The following CAPN12 variants were observed in gnomAD, a reference collection of about 807,000 sequenced individuals.
The protein encoded by CAPN12 is calpain-12.
A neutral mutation model predicts 95.0 loss-of-function variants in CAPN12; 107 were observed. That is an observed-to-expected ratio of 1.13 (90% CI 0.96 to 1.32). CAPN12 has a LOEUF of 1.32. Among genes scored for constraint, CAPN12 ranks in the 40% most tolerant of loss-of-function variants. The pLI is 0.00. For missense variants in CAPN12, 1,136 were observed against 997.8 expected (o/e 1.14, Z -1.87); for synonymous variants, 505 against 415.5 (o/e 1.22, Z -2.62).
Position 38,737,626 on chromosome 19 carries a change from C to A in CAPN12, c.978G>T (p.Arg326=), listed in dbSNP as rs1188716137. 3.7e-6 allele frequency: 6 copies of A among 1,603,364 alleles called. No individual in the cohort carries two copies. In the East Asian group the frequency reaches 1.1e-4, roughly 30 times the overall value. Residue 326 remains arginine, a synonymous_variant, in exon 9 of 21, where the codon CGG becomes CGT. Coordinates refer to ENST00000328867, the MANE Select transcript of CAPN12 (RefSeq NM_144691.4). ...KEDGEFWMEL[R]DFLLHFDTVQ... The stretch of plus-strand genomic sequence containing the variant: ...CGGTGTCGAAATGGAGGAGGAAGTC[C>A]CGCAGCTCCATCCTGCACGGTGGCC...
At position 38,735,564 on chromosome 19, in the gene CAPN12, A is replaced by C; in HGVS notation, c.1584-20T>G. On this transcript the variant is annotated intron_variant, in intron 12 of 20. Transcript: ENST00000328867. ...ATCTCCCTGCAAATTACAGATGGGA[A>C]GTGGGGAGGGGGCTGTTTGCCCCAG... 1 of 1,604,868 alleles carries C rather than the reference A, an allele frequency of 6.2e-7. No individual in the cohort carries two copies. Among genetic ancestry groups the C allele is most frequent in the South Asian group, 1.1e-5 (1 of 90,428 alleles).
In CAPN12 at chr19:38,737,542, C is replaced by T. The variant is rs1568787199; in HGVS notation, c.1062G>A (p.Trp354Ter). 2 of 1,612,398 alleles carry T rather than the reference C, an allele frequency of 1.2e-6. No homozygotes were observed. Among genetic ancestry groups the T allele is most frequent in the African/African-American group, 2.7e-5 (2 of 74,924 alleles). ...VLGPSPEGGG[W>*]HVHTFQGRWV... The stretch of plus-strand genomic sequence containing the variant: ...AGCGGCCTTGGAAGGTGTGGACGTG[C>T]CAGCCGCCCCCCTCCGGGCTGGGGC... The change falls in exon 9 of 21, where the codon TGG becomes TGA. Residue 354 changes from tryptophan to a stop codon, truncating the protein, a stop_gained. Transcript: ENST00000328867. LOFTEE classifies it high-confidence loss of function.
chr19:38,737,423 G>T, intron 9 of CAPN12, 35 bp from the exon 10 acceptor site: 1 of 1,609,130 alleles, frequency 6.2e-7, no homozygotes, highest in Non-Finnish European at 8.5e-7. Context: ...TTTCCTAGCC[G>T]GCCACAGCGC....
intron 18 of CAPN12, among the ~76,000 whole-genome samples, chr19:38,731,889 G>A (rs1340922087): frequency 2.0e-5 from 3 of 152,242 alleles, no homozygotes; most frequent in East Asian, 3.8e-4. Flanking sequence ...AGTGCCAGGT[G>A]CTGTTTTAAC....
chr19:38,738,371 G>A, intron 7 of CAPN12, 24 bp from the exon 8 acceptor site: 1 of 1,611,598 alleles, frequency 6.2e-7, no homozygotes, highest in Non-Finnish European at 8.5e-7. Context: ...GGTGTGAGGG[G>A]CGGGCAGGTG....
chr19:38,734,391 T>C lies in CAPN12; in HGVS notation c.1745-2A>G. 6.3e-7 allele frequency: 1 copy of C among 1,584,050 alleles called. No individual in the cohort carries two copies. The highest frequency in any genetic ancestry group is 8.6e-7 in the Non-Finnish European group (1 of 1,166,004). On this transcript the variant is annotated splice_acceptor_variant, in intron 15 of 20. Transcript: ENST00000328867. LOFTEE classifies it high-confidence loss of function. ...TGGGGGTGGAGGTATGGGCCCTGGC[T>C]ACAGGAAAAACAAAGTCAAACCACA...
At position 38,735,594 on chromosome 19, in the gene CAPN12, G is replaced by A. The variant is rs1447114677; in HGVS notation, c.1584-50C>T. ...GGAGGGGGCTGTTTGCCCCAGCTGG[G>A]GCTGTGTGGGACGGGGTCTCAGGTG... On this transcript the variant is annotated intron_variant, in intron 12 of 20. Coordinates refer to ENST00000328867, the MANE Select transcript of CAPN12 (RefSeq NM_144691.4). 2.5e-6 allele frequency: 4 copies of A among 1,589,370 alleles called. No homozygotes were observed. The South Asian group carries it at 4.5e-5, about 18-fold the overall frequency.
rs773312744 is a variant in CAPN12 at position 38,744,082 on chromosome 19, C to A, written c.84G>T (p.Arg28=). The part of the protein sequence containing the change: ...GVGAGRLQLF[R]GQSYEAIRAA... ...CCCGAATTGCCTCATAGCTCTGGCC[C>A]CGAAAAAGCTGCAGGCGCCCGGCTC... Residue 28 remains arginine (R), a synonymous_variant, in exon 1 of 21, where the codon CGG becomes CGT. Coordinates refer to ENST00000328867, the MANE Select transcript of CAPN12 (RefSeq NM_144691.4). 75 of 1,614,096 alleles carry A rather than the reference C, an allele frequency of 4.6e-5. No individual in the cohort carries two copies. The highest frequency in any genetic ancestry group is 5.6e-5 in the Non-Finnish European group (66 of 1,180,052).
Position 38,730,763 on chromosome 19 carries a change from G to T in CAPN12, c.*89C>A. ...TAGCCCCAGACAGGTGGATGCCAGA[G>T]AGAGTGGCACCCATGCCAGGCAAGG... is the stretch of plus-strand genomic sequence containing the variant. On this transcript the variant is annotated 3_prime_UTR_variant, in exon 21 of 21. Coordinates refer to ENST00000328867, the MANE Select transcript of CAPN12 (RefSeq NM_144691.4). 6.8e-7 allele frequency: 1 copy of T among 1,473,642 alleles called. No homozygotes were observed. Among genetic ancestry groups the T allele is most frequent in the East Asian group, 2.5e-5 (1 of 40,590 alleles). The allele number at this position is 1,473,642 out of a possible 1,614,324, so 91.3% of individuals were successfully genotyped here.
In CAPN12 at chr19:38,730,999, C is replaced by T. The variant is rs933385818; in HGVS notation, c.2099G>A (p.Gly700Glu). 1.9e-6 allele frequency: 3 copies of T among 1,551,994 alleles called. No homozygotes were observed. Among genetic ancestry groups the T allele is most frequent in the Non-Finnish European group, 1.7e-6 (2 of 1,147,814 alleles). The change falls in exon 20 of 21, where the codon GGG (glycine) becomes GAG (glutamate). Residue 700 changes from glycine (G) to glutamate (E), a missense_variant. Physicochemically the swap from Gly to Glu is moderately conservative, Grantham distance 98 (BLOSUM62 -2). Transcript: ENST00000328867. ...IFCHCSQHLD[G>E]GEGVICLTHR... The stretch of plus-strand genomic sequence containing the variant: ...GGTCAGGCAGATGACCCCCTCACCC[C>T]CATCCAGGTGCTGGCTGCAGTGGCC...
chr19:38,732,071 C>T (rs986456101), intron 18 of CAPN12, among the ~76,000 whole-genome samples: 2 of 152,274 alleles, frequency 1.3e-5, no homozygotes, highest in African/African-American at 4.8e-5. Context: ...AGCCCCTCAG[C>T]TGCCACTGCA....
At chr19:38,733,996 G>T in intron 17 of CAPN12, 146 bp downstream of exon 17, 1 of 896,142 alleles carries the variant, frequency 1.1e-6, no homozygotes, top group Non-Finnish European at 1.7e-6. Context: ...CTGGGTGGGG[G>T]CAGGGATATC....
chr19:38,737,276 G>A lies in CAPN12; in HGVS notation c.1242C>T (p.Gly414=), dbSNP rs538336543. ...TGGGCGTGCGGCCCCCCCGCGCTGG[G>A]CCCCGTGCCCCTGCAGCCCCCCAGC... ...WGGWGAAGAR[G]PARGGRTPKC... The change falls in exon 10 of 21, where the codon GGC becomes GGT. Residue 414 remains glycine (G), a synonymous_variant. Coordinates refer to ENST00000328867, the MANE Select transcript of CAPN12 (RefSeq NM_144691.4). 41 of 1,538,608 alleles carry A rather than the reference G, an allele frequency of 2.7e-5. No individual in the cohort carries two copies. The Admixed American group carries it at 4.8e-4, about 18-fold the overall frequency.
rs1385342657 is a variant in CAPN12, at chr19:38,738,724, GCCA to G, written c.730-79_730-77del. ...TGCTCCTCCCTGCCCCCAACCTCCT[GCCA>G]CCAAGGCAGGAGCCAACCAGAGCAC... On this transcript the variant is annotated intron_variant, in intron 5 of 20. Transcript: ENST00000328867. 46 of 1,391,482 alleles carry G rather than the reference GCCA, an allele frequency of 3.3e-5. No homozygotes were observed. In the East Asian group the frequency reaches 1.0e-3, roughly 31 times the overall value. 86.2% of individuals were successfully genotyped at this position (1,391,482 alleles called of 1,614,324 possible). A position where few individuals can be genotyped will look rare whatever the true frequency, so the allele number is the denominator to read the frequency against.
intron 10 of CAPN12, chr19:38,736,813 C>G (rs1324215370): frequency 1.7e-6 from 1 of 577,624 alleles, no homozygotes; most frequent in African/African-American, 1.9e-5. Flanking sequence ...AACCCCCAGC[C>G]TCTCTCTGTC....
chr19:38,734,614 G>T (rs993541745), intron 15 of CAPN12, 199 bp downstream of exon 15: 3 of 650,062 alleles, frequency 4.6e-6, no homozygotes, highest in African/African-American at 3.7e-5. Context: ...CAGCGGAAGG[G>T]GAGCTTGCGA....
Position 38,730,853 on chromosome 19 carries a change from T to C in CAPN12, c.2159A>G (p.Ter720TrpextTer77), listed in dbSNP as rs1969528880. 5 of 1,551,174 alleles carry C rather than the reference T, an allele frequency of 3.2e-6. No individual in the cohort carries two copies. The South Asian group carries it at 5.9e-5, about 18-fold the overall frequency. The change falls in exon 21 of 21, where the codon TAG (stop) becomes TGG (tryptophan). Residue 720 changes from the stop codon to tryptophan (W), a stop_lost. Transcript: ENST00000328867. ...RQWMEVATFS[*>W] is the part of the protein sequence containing the mutation. Reference sequence around the variant, plus strand: ...AGCAGGTGCGCCCATCCGGAGATCCTAGGAGAAGGTGGCCACCTCCATCCA... The same window carrying C: ...AGCAGGTGCGCCCATCCGGAGATCCCAGGAGAAGGTGGCCACCTCCATCCA...
At chr19:38,743,406 C>CTT (rs1970684890) in intron 1 of CAPN12, among the ~76,000 whole-genome samples, 4 of 96,864 alleles carry the variant, frequency 4.1e-5, no homozygotes, top group African/African-American at 1.5e-4. Flanking sequence ...GTCCAGGTCC[C>CTT]GAGCCCCTCC....
chr19:38,737,667 C>T, intron 8 of CAPN12, 29 bp from the exon 9 acceptor site: 4 of 1,529,986 alleles, frequency 2.6e-6, no homozygotes, highest in Non-Finnish European at 3.5e-6. Context: ...AGACCCTGCC[C>T]GGCCCCACCT....
Sources: gnomAD v4.1 joint callset for allele counts (sites outside exome capture counted in the v4.1 genomes callset) on GRCh38, gnomAD v4.1.1 for gene constraint, MANE v1.5 for transcripts, NCBI Gene and HGNC (gene_info 2026-07-23, HGNC 2026-07-21) for gene names.